The following USP22 variants were observed in gnomAD, a reference collection of about 807,000 sequenced individuals.
USP22 encodes ubiquitin carboxyl-terminal hydrolase 22.
USP22 carries 22 observed loss-of-function variants against 68.1 expected under a neutral mutation model. The observed-to-expected ratio is 0.32, with a 90% CI of 0.23 to 0.46. The LOEUF (loss-of-function observed/expected upper bound fraction) is 0.46, where lower values mean the gene tolerates loss of function less well. Ranked by LOEUF, USP22 falls within the 20% of genes least tolerant of loss-of-function variation. The pLI, the probability that USP22 is intolerant of heterozygous loss-of-function variation, is 1.00. For synonymous variants in USP22, 279 were observed against 274.2 expected (o/e 1.02, Z -0.17); for missense variants, 433 against 695.8 (o/e 0.62, Z 4.25).
Position 21,001,464 on chromosome 17 carries a change from A to T in USP22, c.*1567T>A, listed in dbSNP as rs943246082. The T allele has an allele frequency of 6.6e-6, 1 of 152,240 alleles. No homozygotes were observed. Among genetic ancestry groups the T allele is most frequent in the Non-Finnish European group, 1.5e-5 (1 of 68,044 alleles). 9.4% of individuals were successfully genotyped at this position (152,240 alleles called of 1,614,324 possible). A position where few individuals can be genotyped will look rare whatever the true frequency, so the allele number is the denominator to read the frequency against. Reference sequence around the variant, plus strand: ...CACGTTTTTAAATAGTTAAAAAAAAAATCTAAGTTTCTTGACACAGAACAA... The same window carrying T: ...CACGTTTTTAAATAGTTAAAAAAAATATCTAAGTTTCTTGACACAGAACAA... On this transcript the variant is annotated 3_prime_UTR_variant, in exon 13 of 13. Coordinates refer to ENST00000261497, the MANE Select transcript of USP22 (RefSeq NM_015276.2).
chr17:21,018,995 T>G lies in USP22; in HGVS notation c.520+89A>C, dbSNP rs146767020. 3.7e-4 allele frequency: 491 copies of G among 1,342,984 alleles called. 1 individual carries two copies. In the Middle Eastern group the frequency reaches 3.7e-3, roughly 10 times the overall value. The allele number at this position is 1,342,984 out of a possible 1,614,324, so 83.2% of individuals were successfully genotyped here. ...ACAGTTATGCAGGGCTTCAACAGAA[T>G]CATGTGGACTTAAGAAACCCACAAT... On this transcript the variant is annotated intron_variant, in intron 4 of 12. Transcript: ENST00000261497.
At chr17:21,007,780 T>A in intron 9 of USP22, 90 bp downstream of exon 9, 1 of 1,507,272 alleles carries the variant, frequency 6.6e-7, no homozygotes, top group Non-Finnish European at 9.1e-7. Context: ...TTATAAAAAA[T>A]GTAACTGCAC....
chr17:21,038,361 TAA>T (rs1321760102), intron 1 of USP22, among the ~76,000 whole-genome samples: 1 of 152,136 alleles, frequency 6.6e-6, no homozygotes, highest in Non-Finnish European at 1.5e-5. Flanking sequence ...GCTGAGCCAG[TAA>T]AGACAGACTG....
In USP22 at chr17:21,021,111, A is replaced by G; in HGVS notation, c.418+2T>C. The G allele has an allele frequency of 6.2e-7, 1 of 1,612,832 alleles. No individual in the cohort carries two copies. Among genetic ancestry groups the G allele is most frequent in the Middle Eastern group, 1.7e-4 (1 of 6,060 alleles). ...AGCAGGTAAACTGAGGTGGAACCAA[A>G]CCTTGCATTTTCCAAGCTTTTCGCT... On this transcript the variant is annotated splice_donor_variant, in intron 3 of 12. Transcript: ENST00000261497. LOFTEE classifies it high-confidence loss of function.
chr17:21,036,607 T>A (rs971883376), intron 1 of USP22, among the ~76,000 whole-genome samples: 2 of 150,840 alleles, frequency 1.3e-5, no homozygotes, highest in Non-Finnish European at 2.9e-5. Context: ...AACAGGTAAG[T>A]AAGTAGATTG....
At chr17:21,006,746 GC>G in intron 10 of USP22, 149 bp downstream of exon 10, 1 of 503,422 alleles carries the variant, frequency 2.0e-6, no homozygotes, top group Non-Finnish European at 3.5e-6. Context: ...CTCATGATCT[GC>G]CCGCTTCGAC....
Position 21,018,081 on chromosome 17 carries a change from G to A in USP22, c.551C>T (p.Thr184Ile). The change falls in exon 5 of 13, where the codon ACA (threonine) becomes ATA (isoleucine). Residue 184 changes from threonine to isoleucine, a missense_variant. Coordinates refer to ENST00000261497, the MANE Select transcript of USP22 (RefSeq NM_015276.2). The part of the protein sequence containing the change: ...GLRGLINLGN[T>I]CFMNCIVQAL... Reference sequence around the variant, plus strand: ...CTGCACGATGCAGTTCATGAAGCATGTGTTCCCAAGGTTGATCAGCCCACG... The same window carrying A: ...CTGCACGATGCAGTTCATGAAGCATATGTTCCCAAGGTTGATCAGCCCACG... 6.2e-7 allele frequency: 1 copy of A among 1,610,634 alleles called. No individual in the cohort carries two copies.
Position 20,999,707 on chromosome 17 carries a change from G to A in USP22, c.*3324C>T, listed in dbSNP as rs1308468165. 6.6e-6 allele frequency: 1 copy of A among 152,038 alleles called. No homozygotes were observed. The highest frequency in any genetic ancestry group is 2.4e-5 in the African/African-American group (1 of 41,388). 9.4% of individuals were successfully genotyped at this position (152,038 alleles called of 1,614,324 possible). A position where few individuals can be genotyped will look rare whatever the true frequency, so the allele number is the denominator to read the frequency against. On this transcript the variant is annotated 3_prime_UTR_variant, in exon 13 of 13. Coordinates refer to ENST00000261497, the MANE Select transcript of USP22 (RefSeq NM_015276.2). The stretch of plus-strand genomic sequence containing the variant: ...AGGGGAAAGGAAGAGTAAACATCTT[G>A]GTAAATAAAGTCTCCAACCACAGCA...
intron 4 of USP22, among the ~76,000 whole-genome samples, chr17:21,018,615 G>A (rs1357879629): frequency 6.6e-6 from 1 of 152,118 alleles, no homozygotes; most frequent in Non-Finnish European, 1.5e-5. Context: ...GGGAGGCTGA[G>A]GTGGAAGGAT....
At chr17:21,011,502 G>A (rs1913969375) in intron 7 of USP22, 193 bp from the exon 8 acceptor site, 1 of 665,818 alleles carries the variant, frequency 1.5e-6, no homozygotes, top group East Asian at 3.1e-5. Flanking sequence ...GGTGGCCCTG[G>A]GGAGGGGTGT....
Position 21,010,868 on chromosome 17 carries a change from G to A in USP22, c.1103+283C>T, listed in dbSNP as rs187302874. On this transcript the variant is annotated intron_variant, in intron 8 of 12. Coordinates refer to ENST00000261497, the MANE Select transcript of USP22 (RefSeq NM_015276.2). Reference sequence around the variant, plus strand: ...GTAGGTGATTAGTGCAAGGGCTAAGGGAGCAGCCAGTTTGGCTCTGGGTTC... The same window carrying A: ...GTAGGTGATTAGTGCAAGGGCTAAGAGAGCAGCCAGTTTGGCTCTGGGTTC... Among the ~76,000 whole-genome samples the A allele has an allele frequency of 2.9e-3, 446 of 152,262 alleles. 4 individuals are homozygous for A. Among genetic ancestry groups the A allele is most frequent in the African/African-American group, 0.01 (429 of 41,564 alleles).
intron 7 of USP22, among the ~76,000 whole-genome samples, chr17:21,012,620 G>C (rs1321669086): frequency 6.6e-6 from 1 of 151,662 alleles, no homozygotes; most frequent in African/African-American, 2.4e-5. Flanking sequence ...TCAACACGAA[G>C]GGCTCGCATC....
chr17:21,020,979 G>A (rs1375038630), intron 3 of USP22, 134 bp downstream of exon 3: 7 of 679,728 alleles, frequency 1.0e-5, no homozygotes, highest in Non-Finnish European at 1.8e-5. Flanking sequence ...GGGCCTTAGG[G>A]GAAGGTGGGG....
chr17:21,009,965 A>T (rs1913899537), intron 8 of USP22, among the ~76,000 whole-genome samples: 1 of 137,682 alleles, frequency 7.3e-6, no homozygotes, highest in African/African-American at 2.6e-5. Flanking sequence ...TCTCAAAAAA[A>T]AAAAATTAAA....
Position 21,017,947 on chromosome 17 carries a change from GA to G in USP22, c.684del (p.Gln229ArgfsTer27). 1 of 1,614,038 alleles carries G rather than the reference GA, an allele frequency of 6.2e-7. No homozygotes were observed. Among genetic ancestry groups the G allele is most frequent in the Non-Finnish European group, 8.5e-7 (1 of 1,180,018 alleles). ...CAGAAGTCAATGGCGCTCACCTCCT[GA>G]AACAGTGAGGACATCTCACAGACCA... ...SCLVCEMSSLFQEFYSGHRSP... is the reference protein window; with the variant it reads ...SCLVCEMSSLXQEFYSGHRSP... On this transcript the variant is annotated frameshift_variant, in exon 5 of 13. Transcript: ENST00000261497. LOFTEE classifies it high-confidence loss of function.
chr17:21,031,737 T>A (rs1382609771), intron 1 of USP22, among the ~76,000 whole-genome samples: 1 of 152,184 alleles, frequency 6.6e-6, no homozygotes, highest in Non-Finnish European at 1.5e-5. Context: ...ATAGTCTATC[T>A]CTACTACACA....
intron 1 of USP22, among the ~76,000 whole-genome samples, chr17:21,037,404 C>A (rs945041754): frequency 6.6e-6 from 1 of 152,160 alleles, no homozygotes; most frequent in African/African-American, 2.4e-5. Context: ...AACATGACTT[C>A]GGCCATTCAG....
intron 2 of USP22, among the ~76,000 whole-genome samples, chr17:21,021,824 G>A (rs1972159868): frequency 6.6e-6 from 1 of 152,200 alleles, no homozygotes; most frequent in African/African-American, 2.4e-5. Context: ...AATAGGCCAG[G>A]AGCTGTGACT....
intron 1 of USP22, among the ~76,000 whole-genome samples, chr17:21,029,355 G>A (rs1972260761): frequency 1.3e-5 from 2 of 152,318 alleles, no homozygotes; most frequent in South Asian, 4.1e-4. Flanking sequence ...TATTTATACT[G>A]AGTTTTAAAA....
Sources: allele counts gnomAD v4.1 joint callset (sites outside exome capture counted in the v4.1 genomes callset), GRCh38; gene constraint gnomAD v4.1.1; transcripts MANE v1.5; gene names NCBI Gene and HGNC (gene_info 2026-07-23, HGNC 2026-07-21).